The following TRPC4 variants were observed in gnomAD, a reference collection of about 807,000 sequenced individuals.
TRPC4 encodes transient receptor potential cation channel subfamily C member 4.
A neutral mutation model predicts 99.4 loss-of-function variants in TRPC4; 49 were observed. The observed-to-expected ratio is 0.49, with a 90% CI of 0.39 to 0.63. The LOEUF (loss-of-function observed/expected upper bound fraction) is 0.63. TRPC4 is among the 20% of genes least tolerant of loss of function. The probability of loss-of-function intolerance (pLI) is 0.00; values close to 1 mark genes in which losing one functional copy is unlikely to be tolerated. For synonymous variants in TRPC4, 454 were observed against 425.9 expected (o/e 1.07, Z -0.81); for missense variants, 898 against 1,152.9 (o/e 0.78, Z 3.20).
chr13:37,838,686 T>A (rs150518463), intron 1 of TRPC4, among the ~76,000 whole-genome samples: 1 of 152,212 alleles, frequency 6.6e-6, no homozygotes, highest in Non-Finnish European at 1.5e-5. Context: ...GCCCTGACTC[T>A]AATCAATATA....
chr13:37,814,947 TA>T (rs1383718367), intron 1 of TRPC4, among the ~76,000 whole-genome samples: 3 of 151,818 alleles, frequency 2.0e-5, no homozygotes, highest in African/African-American at 7.2e-5. Context: ...GAAACTACAG[TA>T]ATCAAGAATG....
intron 2 of TRPC4, among the ~76,000 whole-genome samples, chr13:37,774,212 T>C (rs1177050389): frequency 1.3e-5 from 2 of 151,900 alleles, no homozygotes; most frequent in Non-Finnish European, 1.5e-5. Flanking sequence ...ATACATCCAG[T>C]TGACAAATTT....
chr13:37,806,274 T>C (rs1356349166), intron 1 of TRPC4, among the ~76,000 whole-genome samples: 1 of 152,068 alleles, frequency 6.6e-6, no homozygotes, highest in Non-Finnish European at 1.5e-5. Flanking sequence ...AGTGCACTTT[T>C]TTTCTTTACC....
intron 3 of TRPC4, among the ~76,000 whole-genome samples, chr13:37,744,715 T>A (rs1955688427): frequency 1.3e-5 from 2 of 152,154 alleles, no homozygotes; most frequent in South Asian, 4.1e-4. Flanking sequence ...AGTCTTTCAC[T>A]TTTTCTCTTT....
chr13:37,718,191 C>G (rs929294212), intron 3 of TRPC4, among the ~76,000 whole-genome samples: 1 of 151,868 alleles, frequency 6.6e-6, no homozygotes, highest in South Asian at 2.1e-4. Flanking sequence ...GCCATGCATA[C>G]GTAGGGCAGA....
At chr13:37,745,457 TATATATATATATATATAC>T (rs1489967583) in intron 3 of TRPC4, among the ~76,000 whole-genome samples, 1,275 of 8,034 alleles carry the variant, frequency 0.16, 41 homozygotes, top group Middle Eastern at 0.3. Context: ...TATATATATA[TATATATATATATATATAC>T]ACACACACAC....
intron 3 of TRPC4, among the ~76,000 whole-genome samples, chr13:37,700,640 A>G (rs184588322): frequency 1.3e-5 from 2 of 152,220 alleles, no homozygotes; most frequent in Non-Finnish European, 2.9e-5. Flanking sequence ...TTTAGAAAAA[A>G]TTAAATTGTT....
At chr13:37,757,513 G>A (rs1420693789) in intron 2 of TRPC4, among the ~76,000 whole-genome samples, 7 of 151,946 alleles carry the variant, frequency 4.6e-5, no homozygotes, top group Middle Eastern at 3.4e-3. Context: ...TGGAAAATTC[G>A]GAGGACTTTC....
chr13:37,854,784 C>T (rs1486591823), intron 1 of TRPC4: 3 of 151,924 alleles, frequency 2.0e-5, no homozygotes, highest in Non-Finnish European at 2.9e-5. Flanking sequence ...AAACTTAAAT[C>T]ATAACACCAT....
intron 4 of TRPC4, among the ~76,000 whole-genome samples, chr13:37,674,603 C>T (rs1021116114): frequency 4.6e-5 from 7 of 152,204 alleles, no homozygotes; most frequent in South Asian, 4.1e-4. Flanking sequence ...TTTATCCATT[C>T]GATAAATTCA....
At chr13:37,848,122 C>T in intron 1 of TRPC4, among the ~76,000 whole-genome samples, 1 of 151,964 alleles carries the variant, frequency 6.6e-6, no homozygotes, top group East Asian at 1.9e-4. Context: ...AGGACATAAG[C>T]CCATCATAAG....
intron 1 of TRPC4, among the ~76,000 whole-genome samples, chr13:37,848,362 T>C (rs1593312863): frequency 6.6e-6 from 1 of 152,250 alleles, no homozygotes; most frequent in East Asian, 1.9e-4. Flanking sequence ...AAAACTTTAA[T>C]ATAAAAACCA....
chr13:37,643,813 A>C (rs556474636), intron 8 of TRPC4, among the ~76,000 whole-genome samples: 1 of 152,190 alleles, frequency 6.6e-6, no homozygotes, highest in Non-Finnish European at 1.5e-5. Flanking sequence ...ATTTAGCAGT[A>C]GCACCAAGTG....
In TRPC4 at chr13:37,649,965, A is replaced by G. The variant is rs944460341; in HGVS notation, c.2079+1300T>C. Reference sequence around the variant, plus strand: ...TCTCAAACTGTAGTCCCCCAAATCTATGGGTAATAGTTTATGGGAAAGAAT... The same window carrying G: ...TCTCAAACTGTAGTCCCCCAAATCTGTGGGTAATAGTTTATGGGAAAGAAT... On this transcript the variant is annotated intron_variant, in intron 8 of 10. Coordinates refer to ENST00000379705, the MANE Select transcript of TRPC4 (RefSeq NM_016179.4). Among the ~76,000 whole-genome samples, 3 of 152,224 alleles carry G rather than the reference A, an allele frequency of 2.0e-5. No individual in the cohort carries two copies. In the South Asian group the frequency reaches 6.2e-4, roughly 32 times the overall value.
intron 2 of TRPC4, among the ~76,000 whole-genome samples, chr13:37,747,350 T>C (rs943131020): frequency 6.6e-6 from 1 of 152,170 alleles, no homozygotes; most frequent in African/African-American, 2.4e-5. Flanking sequence ...TTAAAGACCT[T>C]ATATAATAAA....
intron 1 of TRPC4, among the ~76,000 whole-genome samples, chr13:37,851,161 AATAC>A (rs1238311442): frequency 3.3e-5 from 5 of 152,188 alleles, no homozygotes; most frequent in Non-Finnish European, 7.3e-5. Context: ...TCATACAAGG[AATAC>A]ATAGAGTCTT....
At chr13:37,765,365 C>T (rs1406311532) in intron 2 of TRPC4, among the ~76,000 whole-genome samples, 1 of 151,346 alleles carries the variant, frequency 6.6e-6, no homozygotes, top group African/African-American at 2.4e-5. Context: ...TAGTCTTGTT[C>T]ATGTGCAACC....
At chr13:37,702,674 CAATA>C (rs1467403625) in intron 3 of TRPC4, among the ~76,000 whole-genome samples, 1 of 151,830 alleles carries the variant, frequency 6.6e-6, no homozygotes, top group African/African-American at 2.4e-5. Context: ...TAATAAATGG[CAATA>C]AATAAAAGAA....
intron 3 of TRPC4, among the ~76,000 whole-genome samples, chr13:37,744,394 T>G (rs2139149363): frequency 6.6e-6 from 1 of 152,262 alleles, no homozygotes; most frequent in Non-Finnish European, 1.5e-5. Context: ...CATAAAAACC[T>G]AAGAAAATGA....
Sources: allele counts gnomAD v4.1 joint callset (sites outside exome capture counted in the v4.1 genomes callset), GRCh38; gene constraint gnomAD v4.1.1; transcripts MANE v1.5; gene names NCBI Gene and HGNC (gene_info 2026-07-23, HGNC 2026-07-21).